TJP3: variants seen among roughly 807,000 people sequenced by gnomAD.
TJP3 encodes tight junction protein 3.
In TJP3, 85 loss-of-function variants were observed where a neutral mutation model predicts 104.2. The observed-to-expected ratio is 0.82, with a 90% CI of 0.68 to 0.98. The LOEUF (loss-of-function observed/expected upper bound fraction) is 0.98. TJP3 is among the 50% of genes least tolerant of loss of function. The pLI, the probability that TJP3 is intolerant of heterozygous loss-of-function variation, is 0.00. For synonymous variants in TJP3, 550 were observed against 550.6 expected, an observed-to-expected ratio of 1.00 and a Z score of 0.02; for missense variants, 1,367 against 1,322.8, an observed-to-expected ratio of 1.03 and a Z score of -0.52.
intron 5 of TJP3, among the ~76,000 whole-genome samples, chr19:3,731,375 G>A (rs1464515551): frequency 6.6e-6 from 1 of 152,190 alleles, no homozygotes; most frequent in African/African-American, 2.4e-5. Flanking sequence ...GCTGATGCCT[G>A]TAATCCCAGC....
rs1280971250 is a variant in TJP3 at position 3,718,292 on chromosome 19, A to G, written c.-10+9731A>G. Among the ~76,000 whole-genome samples the G allele has an allele frequency of 2.2e-5, 3 of 138,334 alleles. No individual in the cohort carries two copies. In the East Asian group the frequency reaches 6.4e-4, roughly 30 times the overall value. The allele number at this position is 138,334 out of a possible 152,430, so 90.8% of individuals were successfully genotyped here. On this transcript the variant is annotated intron_variant, in intron 1 of 20. Transcript: ENST00000541714. The stretch of plus-strand genomic sequence containing the variant: ...GTAGAGATGGAAGTCTCACTCTGTT[A>G]CTCAGGCTGGTCTCTCCTGGCCTCA...
intron 1 of TJP3, among the ~76,000 whole-genome samples, chr19:3,727,941 CA>C (rs1006387913): frequency 2.0e-5 from 3 of 150,448 alleles, no homozygotes; most frequent in Admixed American, 6.7e-5. Flanking sequence ...GACTCCGCCT[CA>C]AAAAAAACAA....
rs535333915 is a variant in TJP3 at position 3,745,888 on chromosome 19, A to C, written c.1940-123A>C. On this transcript the variant is annotated intron_variant, in intron 15 of 20. Coordinates refer to ENST00000541714, the MANE Select transcript of TJP3 (RefSeq NM_001267560.2). ...AACATGAGTTTCTGCTGCTGTTAGG[A>C]TTTCTCTCCAGGGCAATGGGGAGCC... is the stretch of plus-strand genomic sequence containing the variant. 8 of 773,832 alleles carry C rather than the reference A, an allele frequency of 1.0e-5. No homozygotes were observed. In the African/African-American group the frequency reaches 1.4e-4, roughly 14 times the overall value. The allele number at this position is 773,832 out of a possible 1,614,324, so 47.9% of individuals were successfully genotyped here. A position where few individuals can be genotyped will look rare whatever the true frequency, so the allele number is the denominator to read the frequency against.
chr19:3,708,789 C>T (rs1244377560), intron 1 of TJP3, among the ~76,000 whole-genome samples: 1 of 152,170 alleles, frequency 6.6e-6, no homozygotes, highest in Admixed American at 6.5e-5. Context: ...GGACGCTGAG[C>T]TGGAAACTTA....
At chr19:3,748,163 T>C (rs1599166179) in intron 19 of TJP3, 82 bp downstream of exon 19, 13 of 1,439,416 alleles carry the variant, frequency 9.0e-6, no homozygotes, top group Non-Finnish European at 1.1e-5. Flanking sequence ...TGGGAGCCTG[T>C]TTTCTACCAG....
At chr19:3,712,002 C>CTG (rs538802993) in intron 1 of TJP3, among the ~76,000 whole-genome samples, 5,942 of 151,264 alleles carry the variant, frequency 0.039, 186 homozygotes, top group Middle Eastern at 0.11. Context: ...TCTTGATTGC[C>CTG]TGTGTGTGTG....
At chr19:3,715,839 C>T (rs558142948) in intron 1 of TJP3, among the ~76,000 whole-genome samples, 6 of 152,204 alleles carry the variant, frequency 3.9e-5, no homozygotes, top group African/African-American at 7.2e-5. Context: ...AGTGCAATGG[C>T]GCAATCTCGG....
At chr19:3,738,847 C>A in intron 12 of TJP3, 50 bp from the exon 13 acceptor site, 1 of 1,507,144 alleles carries the variant, frequency 6.6e-7, no homozygotes, top group South Asian at 1.3e-5. Flanking sequence ...GGGGAGGGCT[C>A]AGATCAGGCA....
chr19:3,748,913 C>T (rs891976773), intron 19 of TJP3, among the ~76,000 whole-genome samples: 13 of 124,186 alleles, frequency 1.0e-4, no homozygotes, highest in African/African-American at 4.0e-4. Flanking sequence ...GGCTGGAGTG[C>T]AGTGGCACGA....
chr19:3,712,314 T>G (rs893163470), intron 1 of TJP3, among the ~76,000 whole-genome samples: 1 of 152,228 alleles, frequency 6.6e-6, no homozygotes, highest in Non-Finnish European at 1.5e-5. Context: ...AGACTCCATC[T>G]CAAAAATGTC....
rs546406883 is a variant in TJP3 at position 3,713,895 on chromosome 19, T to C, written c.-10+5334T>C. Among the ~76,000 whole-genome samples, 385 of 150,692 alleles carry C rather than the reference T, an allele frequency of 2.6e-3. 1 individual carries two copies. Among genetic ancestry groups the C allele is most frequent in the African/African-American group, 8.9e-3 (368 of 41,152 alleles). Reference sequence around the variant, plus strand: ...CATGCCCAGCTAATTTTTTTTTTTTTTTTGTATTTTTAGTAGAGACGGAGT... The same window carrying C: ...CATGCCCAGCTAATTTTTTTTTTTTCTTTGTATTTTTAGTAGAGACGGAGT... On this transcript the variant is annotated intron_variant, in intron 1 of 20. Coordinates refer to ENST00000541714, the MANE Select transcript of TJP3 (RefSeq NM_001267560.2).
At position 3,743,132 on chromosome 19, in the gene TJP3, C is replaced by T. The variant is rs551004705; in HGVS notation, c.1844-807C>T. Among the ~76,000 whole-genome samples, 21 of 150,758 alleles carry T rather than the reference C, an allele frequency of 1.4e-4. No homozygotes were observed. The South Asian group carries it at 2.7e-3, about 20-fold the overall frequency. On this transcript the variant is annotated intron_variant, in intron 14 of 20. Transcript: ENST00000541714. ...TACAAAAATTAGCCAGGCATGGTGGCGCACGCCTGTAATCCCAGCTACTCA... is the reference window on the plus strand; with the variant it reads ...TACAAAAATTAGCCAGGCATGGTGGTGCACGCCTGTAATCCCAGCTACTCA...
chr19:3,727,666 G>A (rs993512251), intron 1 of TJP3, among the ~76,000 whole-genome samples: 3 of 151,812 alleles, frequency 2.0e-5, no homozygotes, highest in Admixed American at 6.6e-5. Context: ...TCTGCCCTCT[G>A]TGGGTGGATC....
chr19:3,709,066 C>T (rs613648), intron 1 of TJP3, among the ~76,000 whole-genome samples: 106,774 of 152,080 alleles, frequency 0.7, 37,947 homozygotes, highest in East Asian at 1. Context: ...CTGTTCTCAC[C>T]GCTGGAACCT....
intron 15 of TJP3, 61 bp downstream of exon 15, chr19:3,744,095 TG>T (rs1197143588): frequency 2.6e-6 from 4 of 1,519,590 alleles, no homozygotes; most frequent in Non-Finnish European, 3.6e-6. Flanking sequence ...TGTTTTTTTG[TG>T]GGGGGTCGGG....
chr19:3,748,070 C>A lies in TJP3; in HGVS notation c.2599C>A (p.Gln867Lys). ...PRDRGRISAH[Q>K]GAQVDSRHPQ... ...GGATCGTGGGAGAATCTCGGCTCAT[C>A]AGGGGGCCCAGGTGCGTCGGACATG... The change falls in exon 19 of 21, where the codon CAG becomes AAG. Residue 867 changes from glutamine to lysine, a missense_variant. Coordinates refer to ENST00000541714, the MANE Select transcript of TJP3 (RefSeq NM_001267560.2). 6.4e-7 allele frequency: 1 copy of A among 1,567,436 alleles called. No individual in the cohort carries two copies. The highest frequency in any genetic ancestry group is 8.7e-7 in the Non-Finnish European group (1 of 1,155,932).
chr19:3,726,444 C>CA (rs1459585739), intron 1 of TJP3, among the ~76,000 whole-genome samples: 1 of 152,032 alleles, frequency 6.6e-6, no homozygotes, highest in Non-Finnish European at 1.5e-5. Context: ...ATTAAAAATA[C>CA]AAAAATTAGC....
chr19:3,711,061 A>G (rs62130621), intron 1 of TJP3, among the ~76,000 whole-genome samples: 43,059 of 72,382 alleles, frequency 0.59, 13,736 homozygotes, highest in East Asian at 0.99. Context: ...CCGCCACCAC[A>G]CCCGGCTAAT....
rs1389699459 is a variant in TJP3, at chr19:3,717,983, A to G, written c.-10+9422A>G. On this transcript the variant is annotated intron_variant, in intron 1 of 20. Coordinates refer to ENST00000541714, the MANE Select transcript of TJP3 (RefSeq NM_001267560.2). ...ATAATCCCAGCACTTAGGGAGGCCG[A>G]GGGGGGCGGATCACAAGGTCAGGAG... Among the ~76,000 whole-genome samples the G allele has an allele frequency of 3.3e-5, 5 of 150,154 alleles. No individual in the cohort carries two copies. In the Admixed American group the frequency reaches 3.3e-4, roughly 10 times the overall value.
Sources: gnomAD v4.1 joint callset for allele counts (sites outside exome capture counted in the v4.1 genomes callset) on GRCh38, gnomAD v4.1.1 for gene constraint, MANE v1.5 for transcripts, NCBI Gene and HGNC (gene_info 2026-07-23, HGNC 2026-07-21) for gene names.